CNOT3: variants seen among roughly 807,000 people sequenced by gnomAD.
CNOT3 encodes CCR4-associated factor 3.
CNOT3 carries 2 observed loss-of-function variants against 89.4 expected under a neutral mutation model. That is an observed-to-expected ratio of 0.02 (90% CI 0.01 to 0.07). CNOT3 has a LOEUF of 0.07. CNOT3 is among the 10% of genes least tolerant of loss of function. The probability of loss-of-function intolerance (pLI) is 1.00; values close to 1 mark genes in which losing one functional copy is unlikely to be tolerated. For synonymous variants in CNOT3, 486 were observed against 402.0 expected (o/e 1.21, Z -2.50); for missense variants, 664 against 1,010.2 (o/e 0.66, Z 4.65).
rs1377253366 is a variant in CNOT3 at position 54,149,778 on chromosome 19, C to G, written c.1605+20C>G. On this transcript the variant is annotated intron_variant, in intron 13 of 17. Coordinates refer to ENST00000221232, the MANE Select transcript of CNOT3 (RefSeq NM_014516.4). Reference sequence around the variant, plus strand: ...ATCAAGGTGGGCTCCTCGGACATCCCCCGAGCCTCTGTGTCCTGACTCTGT... The same window carrying G: ...ATCAAGGTGGGCTCCTCGGACATCCGCCGAGCCTCTGTGTCCTGACTCTGT... 6.3e-7 allele frequency: 1 copy of G among 1,581,294 alleles called. No individual in the cohort carries two copies. The highest frequency in any genetic ancestry group is 8.6e-7 in the Non-Finnish European group (1 of 1,162,036).
At chr19:54,149,225 C>T (rs2074904505) in intron 12 of CNOT3, among the ~76,000 whole-genome samples, 1 of 152,208 alleles carries the variant, frequency 6.6e-6, no homozygotes, top group Non-Finnish European at 1.5e-5. Context: ...TGCCCCCTCA[C>T]CCCAGCTCCA....
At chr19:54,149,335 C>T (rs1276899932) in intron 12 of CNOT3, among the ~76,000 whole-genome samples, 1 of 152,144 alleles carries the variant, frequency 6.6e-6, no homozygotes, top group East Asian at 1.9e-4. Flanking sequence ...AATCCTCACC[C>T]CCACCCCCAC....
chr19:54,143,386 G>A, intron 3 of CNOT3, 56 bp from the exon 4 acceptor site: 1 of 1,560,890 alleles, frequency 6.4e-7, no homozygotes, highest in Non-Finnish European at 8.8e-7. Flanking sequence ...AATCACTGGA[G>A]TGGGTACTGG....
chr19:54,153,261 C>T, intron 16 of CNOT3: 1 of 762,770 alleles, frequency 1.3e-6, no homozygotes, highest in South Asian at 1.4e-5. Context: ...CAGTTGCCCA[C>T]TGGCTCACCC....
chr19:54,146,137 T>C, intron 9 of CNOT3, 94 bp downstream of exon 9: 1 of 1,382,384 alleles, frequency 7.2e-7, no homozygotes, highest in Non-Finnish European at 1.0e-6. Flanking sequence ...TATGGGAGCG[T>C]AATTGAGGAA....
At chr19:54,154,489 T>G (rs1315396077) in intron 17 of CNOT3, 4 of 189,952 alleles carry the variant, frequency 2.1e-5, no homozygotes, top group Admixed American at 1.6e-4. Context: ...TAATAACATG[T>G]AAGTACTTAA....
chr19:54,149,216 GC>G (rs2074903631), intron 12 of CNOT3, among the ~76,000 whole-genome samples: 2 of 152,148 alleles, frequency 1.3e-5, no homozygotes, highest in Non-Finnish European at 2.9e-5. Flanking sequence ...CCTGCTTCCT[GC>G]CCCCTCACCC....
At chr19:54,140,928 T>A (rs1324782418) in intron 1 of CNOT3, among the ~76,000 whole-genome samples, 4 of 152,172 alleles carry the variant, frequency 2.6e-5, no homozygotes, top group African/African-American at 9.7e-5. Context: ...GATTGCCTTG[T>A]TTAGGGGTGT....
At chr19:54,142,570 T>C in intron 1 of CNOT3, 1 of 330,538 alleles carries the variant, frequency 3.0e-6, no homozygotes, top group African/African-American at 2.1e-5. Flanking sequence ...GGCTAATGCC[T>C]CCATCCCAGT....
At chr19:54,152,179 C>T in intron 13 of CNOT3, 47 bp from the exon 14 acceptor site, 1 of 1,599,962 alleles carries the variant, frequency 6.3e-7, no homozygotes, top group Non-Finnish European at 8.6e-7. Context: ...GCTGCACTTG[C>T]TCCTGCAGCC....
chr19:54,149,902 C>A, intron 13 of CNOT3, 144 bp downstream of exon 13: 1 of 867,008 alleles, frequency 1.2e-6, no homozygotes, highest in Non-Finnish European at 1.7e-6. Flanking sequence ...TGCTCTTTCT[C>A]CAGGTCTTTC....
At chr19:54,143,880 G>T in intron 5 of CNOT3, 126 bp from the exon 6 acceptor site, 1 of 1,480,688 alleles carries the variant, frequency 6.8e-7, no homozygotes, top group South Asian at 1.2e-5. Flanking sequence ...CCTAAGGGAA[G>T]TGAAGAGGCA....
In CNOT3 at chr19:54,148,608, CTT is replaced by C. The variant is rs1285577045; in HGVS notation, c.1283-10_1283-9del. 1 of 1,608,090 alleles carries C rather than the reference CTT, an allele frequency of 6.2e-7. No homozygotes were observed. The highest frequency in any genetic ancestry group is 8.5e-7 in the Non-Finnish European group (1 of 1,177,280). Reference sequence around the variant, plus strand: ...CAGGCAGCAGCCCTTTCCATTTACTCTTTGTTCCCAGGTTACAGCTCAGTTGT... The same window carrying C: ...CAGGCAGCAGCCCTTTCCATTTACTCTGTTCCCAGGTTACAGCTCAGTTGT... On this transcript the variant is annotated splice_polypyrimidine_tract_variant and intron_variant, in intron 11 of 17. Coordinates refer to ENST00000221232, the MANE Select transcript of CNOT3 (RefSeq NM_014516.4). This position sits in a 1 kb window ranked among gnomAD's most constrained non-coding sequence, Gnocchi z 6.3.
intron 10 of CNOT3, among the ~76,000 whole-genome samples, chr19:54,147,566 A>G (rs1292924888): frequency 5.3e-5 from 8 of 152,200 alleles, no homozygotes; most frequent in African/African-American, 1.9e-4. Context: ...GTGGCTGGAA[A>G]GAAGCCCAGG....
Position 54,155,469 on chromosome 19 carries a change from G to A in CNOT3, c.*62G>A. ...ATGCTGATCCCCCTGCCCAGGTGAG[G>A]GCCCTGCCCTGGAAGACTGGAGGGA... On this transcript the variant is annotated 3_prime_UTR_variant, in exon 18 of 18. Coordinates refer to ENST00000221232, the MANE Select transcript of CNOT3 (RefSeq NM_014516.4). 2 of 1,170,978 alleles carry A rather than the reference G, an allele frequency of 1.7e-6. No homozygotes were observed. Among genetic ancestry groups the A allele is most frequent in the South Asian group, 2.8e-5 (2 of 72,048 alleles). 72.5% of individuals were successfully genotyped at this position (1,170,978 alleles called of 1,614,324 possible).
intron 9 of CNOT3, among the ~76,000 whole-genome samples, chr19:54,146,311 G>A (rs2074671382): frequency 6.6e-6 from 1 of 152,222 alleles, no homozygotes; most frequent in Non-Finnish European, 1.5e-5. Flanking sequence ...TGAGGAGGCT[G>A]GGTAGCTGGC....
In CNOT3 at chr19:54,152,477, C is replaced by T; in HGVS notation, c.1755C>T (p.Pro585=). 6.2e-7 allele frequency: 1 copy of T among 1,614,232 alleles called. No individual in the cohort carries two copies. Among genetic ancestry groups the T allele is most frequent in the Non-Finnish European group, 8.5e-7 (1 of 1,180,042 alleles). Residue 585 remains proline (P), a synonymous_variant, in exon 15 of 18, where the codon CCC becomes CCT. Coordinates refer to ENST00000221232, the MANE Select transcript of CNOT3 (RefSeq NM_014516.4). ...CACCTCCGGCCTCAGCCCAGCCGCC[C>T]CTGCAGCTGTCAGAGGTGAACATAC... ...TSAPPASAQP[P]LQLSEVNIPL... is the part of the protein sequence containing the mutation.
At position 54,145,980 on chromosome 19, in the gene CNOT3, C is replaced by A; in HGVS notation, c.774C>A (p.Ser258Arg). The part of the protein sequence containing the change: ...HMEDEIFNQS[S>R]STPTSTTSSS... ...AGGATGAGATCTTCAACCAGTCCAG[C>A]AGCACGCCCACCTCAACCACCTCCA... The change falls in exon 9 of 18, where the codon AGC becomes AGA. Residue 258 changes from serine (S) to arginine (R), a missense_variant. Coordinates refer to ENST00000221232, the MANE Select transcript of CNOT3 (RefSeq NM_014516.4). This position sits in a 1 kb window ranked among gnomAD's most constrained non-coding sequence, Gnocchi z 5.9. 1 of 1,613,972 alleles carries A rather than the reference C, an allele frequency of 6.2e-7. No individual in the cohort carries two copies. Among genetic ancestry groups the A allele is most frequent in the Non-Finnish European group, 8.5e-7 (1 of 1,179,930 alleles).
chr19:54,138,150 G>T (rs2074290051), intron 1 of CNOT3, among the ~76,000 whole-genome samples, 157 bp downstream of exon 1: 1 of 151,738 alleles, frequency 6.6e-6, no homozygotes, highest in South Asian at 2.1e-4. Context: ...GCAGCGCGGG[G>T]CTCCCGGCGG....
Sources: allele counts gnomAD v4.1 joint callset (sites outside exome capture counted in the v4.1 genomes callset), GRCh38; gene constraint gnomAD v4.1.1; non-coding constraint Gnocchi (gnomAD v3.1); transcripts MANE v1.5; gene names NCBI Gene and HGNC (gene_info 2026-07-23, HGNC 2026-07-21).